Variants in CAMK1D observed in about 807,000 individuals in gnomAD.
CAMK1D encodes the protein calcium/calmodulin-dependent protein kinase type 1D.
In CAMK1D, 9 loss-of-function variants were observed where a neutral mutation model predicts 47.7. The observed-to-expected ratio is 0.19, with a 90% CI of 0.11 to 0.33. CAMK1D has a LOEUF of 0.33. Among genes scored for constraint, CAMK1D ranks in the 10% least tolerant of loss-of-function variants. The pLI, the probability that CAMK1D is intolerant of heterozygous loss-of-function variation, is 1.00. For missense variants in CAMK1D, 291 were observed against 488.7 expected (o/e 0.60, Z 3.81); for synonymous variants, 184 against 184.9 (o/e 0.99, Z 0.04).
chr10:12,470,272 A>G (rs1461115878), intron 1 of CAMK1D, among the ~76,000 whole-genome samples: 2 of 152,134 alleles, frequency 1.3e-5, no homozygotes, highest in Non-Finnish European at 2.9e-5. Context: ...CCTTTGTATG[A>G]TATATAAAGA....
chr10:12,666,970 G>C, intron 3 of CAMK1D, 160 bp downstream of exon 3: 1 of 625,678 alleles, frequency 1.6e-6, no homozygotes, highest in Non-Finnish European at 2.8e-6. Flanking sequence ...AACTAAAGAC[G>C]GTGGGCTGCA....
intron 1 of CAMK1D, among the ~76,000 whole-genome samples, chr10:12,488,674 C>A (rs911479576): frequency 1.3e-5 from 2 of 152,118 alleles, no homozygotes; most frequent in Admixed American, 1.3e-4. Flanking sequence ...GCTTGTTTTC[C>A]TGTAACTAGA....
At chr10:12,662,941 T>G (rs1840318547) in intron 2 of CAMK1D, among the ~76,000 whole-genome samples, 1 of 152,170 alleles carries the variant, frequency 6.6e-6, no homozygotes, top group Non-Finnish European at 1.5e-5. Flanking sequence ...TTTCCTTGTT[T>G]TTTTTGTTTG....
intron 4 of CAMK1D, among the ~76,000 whole-genome samples, chr10:12,761,977 C>T (rs1320870880): frequency 6.6e-6 from 1 of 152,200 alleles, no homozygotes; most frequent in Non-Finnish European, 1.5e-5. Flanking sequence ...TCCCCGTTGG[C>T]ACAGAAGGAT....
At chr10:12,761,626 G>T (rs1171948384) in intron 4 of CAMK1D, among the ~76,000 whole-genome samples, 1 of 152,084 alleles carries the variant, frequency 6.6e-6, no homozygotes, top group Admixed American at 6.6e-5. Flanking sequence ...TGGTGGCTCA[G>T]GCCTGTAATC....
chr10:12,683,907 A>G (rs1007593419), intron 3 of CAMK1D, among the ~76,000 whole-genome samples: 1 of 152,162 alleles, frequency 6.6e-6, no homozygotes, highest in African/African-American at 2.4e-5. Context: ...AAAACATTTC[A>G]GGGCAACTAG....
chr10:12,366,439 G>C (rs1827346974), intron 1 of CAMK1D, among the ~76,000 whole-genome samples: 1 of 152,018 alleles, frequency 6.6e-6, no homozygotes, highest in South Asian at 2.1e-4. Flanking sequence ...TGAATCACTT[G>C]AGGACAGGAG....
intron 5 of CAMK1D, 38 bp from the exon 6 acceptor site, chr10:12,791,120 A>G: frequency 6.2e-7 from 1 of 1,601,818 alleles, no homozygotes; most frequent in Non-Finnish European, 8.6e-7. Context: ...CGAGGCATGT[A>G]AATTGTCAGG....
Position 12,723,677 on chromosome 10 carries a change from CATAA to C in CAMK1D, c.300-37266_300-37263del, listed in dbSNP as rs201095429. Among the ~76,000 whole-genome samples the C allele has an allele frequency of 4.7e-3, 717 of 152,244 alleles. 23 individuals are homozygous for C. The highest frequency in any genetic ancestry group is 0.043 in the Admixed American group (663 of 15,286). On this transcript the variant is annotated intron_variant, in intron 3 of 10. Transcript: ENST00000619168. ...GGCATTTTTTTCTATTAAAATACAT[CATAA>C]ATAATTATGTTTATATCCTTGCAGT...
chr10:12,417,671 C>T lies in CAMK1D; in HGVS notation c.92+67761C>T, dbSNP rs182673067. ...TCAGAAATGAGGGCTGGGGGAGGCC[C>T]GAGGCTGGCCATCTGGGGAGCTGTG... On this transcript the variant is annotated intron_variant, in intron 1 of 10. Coordinates refer to ENST00000619168, the MANE Select transcript of CAMK1D (RefSeq NM_153498.4). Among the ~76,000 whole-genome samples the T allele has an allele frequency of 2.4e-3, 363 of 152,214 alleles. 6 individuals are homozygous for T. Among genetic ancestry groups the T allele is most frequent in the Non-Finnish European group, 2.0e-3 (137 of 68,004 alleles).
intron 2 of CAMK1D, among the ~76,000 whole-genome samples, chr10:12,600,546 T>C (rs1838271683): frequency 6.6e-6 from 1 of 152,254 alleles, no homozygotes; most frequent in Admixed American, 6.5e-5. Context: ...TTTTCCTTTT[T>C]AGCAACCAAG....
chr10:12,714,177 C>G (rs916803724), intron 3 of CAMK1D, among the ~76,000 whole-genome samples: 1 of 152,258 alleles, frequency 6.6e-6, no homozygotes, highest in Non-Finnish European at 1.5e-5. Context: ...CTCTAAGTCT[C>G]TTATCCATGG....
At chr10:12,771,121 G>A (rs570020002) in intron 5 of CAMK1D, among the ~76,000 whole-genome samples, 36 of 152,266 alleles carry the variant, frequency 2.4e-4, no homozygotes, top group African/African-American at 8.2e-4. Flanking sequence ...GTAGAGACAG[G>A]GTTTTGTCAT....
rs1833437171 is a variant in CAMK1D, at chr10:12,832,575, C to T, written c.*3688C>T. On this transcript the variant is annotated 3_prime_UTR_variant, in exon 11 of 11. Coordinates refer to ENST00000619168, the MANE Select transcript of CAMK1D (RefSeq NM_153498.4). ...TCGGAGACTAGAAAACATTCTACCC[C>T]TTCAGGTCTTCTTTTAAAAGAAAAG... 1 of 152,214 alleles carries T rather than the reference C, an allele frequency of 6.6e-6. No individual in the cohort carries two copies. Among genetic ancestry groups the T allele is most frequent in the Non-Finnish European group, 1.5e-5 (1 of 68,048 alleles). 9.4% of individuals were successfully genotyped at this position (152,214 alleles called of 1,614,324 possible). A position where few individuals can be genotyped will look rare whatever the true frequency, so the allele number is the denominator to read the frequency against.
chr10:12,831,171 A>C lies in CAMK1D; in HGVS notation c.*2284A>C, dbSNP rs1833412865. On this transcript the variant is annotated 3_prime_UTR_variant, in exon 11 of 11. Coordinates refer to ENST00000619168, the MANE Select transcript of CAMK1D (RefSeq NM_153498.4). Reference sequence around the variant, plus strand: ...AGCTGTCACTCTGCAAAATCTAAAAACCCTGGAAAGGTCTATAAGATGACA... The same window carrying C: ...AGCTGTCACTCTGCAAAATCTAAAACCCCTGGAAAGGTCTATAAGATGACA... 6.6e-6 allele frequency: 1 copy of C among 152,062 alleles called. No homozygotes were observed. Among genetic ancestry groups the C allele is most frequent in the Non-Finnish European group, 1.5e-5 (1 of 68,042 alleles). The allele number at this position is 152,062 out of a possible 1,614,324, so 9.4% of individuals were successfully genotyped here.
chr10:12,447,649 C>T (rs2724818), intron 1 of CAMK1D, among the ~76,000 whole-genome samples: 117,809 of 152,086 alleles, frequency 0.77, 45,776 homozygotes, highest in African/African-American at 0.8. Flanking sequence ...CTGAAGTAAG[C>T]CAAGATTGTG....
intron 1 of CAMK1D, among the ~76,000 whole-genome samples, chr10:12,543,479 G>A (rs1425941555): frequency 6.6e-6 from 1 of 152,220 alleles, no homozygotes; most frequent in Non-Finnish European, 1.5e-5. Flanking sequence ...TGAGGAGGGA[G>A]TTAGCCAGTG....
intron 1 of CAMK1D, among the ~76,000 whole-genome samples, chr10:12,376,896 G>T (rs1197419471): frequency 6.6e-6 from 1 of 151,948 alleles, no homozygotes; most frequent in African/African-American, 2.4e-5. Flanking sequence ...CAGTAGCTGG[G>T]ATTACAGGCA....
chr10:12,639,004 C>G (rs200461983), intron 2 of CAMK1D, among the ~76,000 whole-genome samples: 3 of 152,194 alleles, frequency 2.0e-5, no homozygotes, highest in Non-Finnish European at 4.4e-5. Context: ...GGGCGGGAAC[C>G]TCATTCCTCT....
Sources: allele counts gnomAD v4.1 joint callset (sites outside exome capture counted in the v4.1 genomes callset), GRCh38; gene constraint gnomAD v4.1.1; transcripts MANE v1.5; gene names NCBI Gene and HGNC (gene_info 2026-07-23, HGNC 2026-07-21).